The following APPBP2 variants were observed in gnomAD, a reference collection of about 807,000 sequenced individuals.
APPBP2 encodes the protein amyloid beta precursor protein binding protein 2, also known as amyloid protein-binding protein 2.
Under a neutral mutation model 76.0 loss-of-function variants are expected in APPBP2, and 15 were observed. The ratio of observed to expected loss-of-function variants is 0.20; its 90% CI spans 0.13 to 0.30. APPBP2 has a LOEUF of 0.30. Among genes scored for constraint, APPBP2 ranks in the 10% least tolerant of loss-of-function variants. APPBP2 has a pLI of 1.00. For missense variants in APPBP2, 401 were observed against 687.2 expected (o/e 0.58, Z 4.66); for synonymous variants, 222 against 242.2 (o/e 0.92, Z 0.77).
intron 1 of APPBP2, among the ~76,000 whole-genome samples, chr17:60,505,274 T>C (rs115154234): frequency 0.016 from 2,364 of 152,340 alleles, 63 homozygotes; most frequent in African/African-American, 0.053. Flanking sequence ...TTCTCTTGTT[T>C]AAAACCTTTA....
chr17:60,474,135 C>T (rs2090572383), intron 4 of APPBP2, among the ~76,000 whole-genome samples: 1 of 151,776 alleles, frequency 6.6e-6, no homozygotes, highest in South Asian at 2.1e-4. Flanking sequence ...AGGTCATGAC[C>T]TCCAGAATAA....
At chr17:60,456,030 G>A (rs113582266) in intron 10 of APPBP2, among the ~76,000 whole-genome samples, 125 of 152,156 alleles carry the variant, frequency 8.2e-4, no homozygotes, top group African/African-American at 2.6e-3. Flanking sequence ...TGCCTGCCTC[G>A]GCCTCCCAAA....
chr17:60,520,926 T>G (rs2091005479), intron 1 of APPBP2, among the ~76,000 whole-genome samples: 2 of 151,994 alleles, frequency 1.3e-5, no homozygotes, highest in African/African-American at 2.4e-5. Flanking sequence ...CTGTATAGAG[T>G]TCTAGAATTT....
At chr17:60,522,932 T>C (rs1188357397) in intron 1 of APPBP2, among the ~76,000 whole-genome samples, 1 of 152,076 alleles carries the variant, frequency 6.6e-6, no homozygotes, top group African/African-American at 2.4e-5. Context: ...TCCCTGCTTA[T>C]ACAGCAGTCA....
chr17:60,458,646 T>C (rs2090450528), intron 9 of APPBP2, among the ~76,000 whole-genome samples: 1 of 152,164 alleles, frequency 6.6e-6, no homozygotes, highest in East Asian at 1.9e-4. Flanking sequence ...CATGAATGAA[T>C]GAGCATGGCT....
intron 8 of APPBP2, chr17:60,460,998 T>TTAA (rs142540089): frequency 6.9e-4 from 194 of 282,532 alleles, no homozygotes; most frequent in African/African-American, 2.9e-3. Flanking sequence ...AGGCCACGGC[T>TTAA]TAATAATAAT....
Position 60,525,716 on chromosome 17 carries a change from G to A in APPBP2, c.138+78C>T, listed in dbSNP as rs1214599580. 2.5e-6 allele frequency: 4 copies of A among 1,595,446 alleles called. No individual in the cohort carries two copies. In the East Asian group the frequency reaches 8.9e-5, roughly 36 times the overall value. ...CCGGAAGGGGTGAGGGGTTAACTGC[G>A]GGGGTTCGCAGACGTGGAAGGGGGT... On this transcript the variant is annotated intron_variant, in intron 1 of 12. Transcript: ENST00000083182.
intron 1 of APPBP2, among the ~76,000 whole-genome samples, chr17:60,521,383 G>C (rs1003948540): frequency 6.6e-5 from 10 of 152,120 alleles, no homozygotes; most frequent in Admixed American, 6.5e-4. Context: ...TGATGTCTTA[G>C]GCCTTCACAT....
At chr17:60,452,865 T>C (rs530524315) in intron 11 of APPBP2, among the ~76,000 whole-genome samples, 28 of 152,210 alleles carry the variant, frequency 1.8e-4, no homozygotes, top group Admixed American at 1.4e-3. Flanking sequence ...CCCAGGGAGG[T>C]TGAGGCTGTA....
At position 60,526,037 on chromosome 17, in the gene APPBP2, G is replaced by C; in HGVS notation, c.-106C>G. 11 of 1,191,540 alleles carry C rather than the reference G, an allele frequency of 9.2e-6. No homozygotes were observed. The highest frequency in any genetic ancestry group is 1.3e-5 in the Non-Finnish European group (11 of 861,668). The allele number at this position is 1,191,540 out of a possible 1,614,324, so 73.8% of individuals were successfully genotyped here. A position where few individuals can be genotyped will look rare whatever the true frequency, so the allele number is the denominator to read the frequency against. On this transcript the variant is annotated 5_prime_UTR_variant, in exon 1 of 13. Transcript: ENST00000083182. ...CCCCGGAGGATTCGGAGGGGCGGTG[G>C]CAGCCACGCGGGCGCACGGCAGAAG...
chr17:60,478,941 G>T (rs1347649158), intron 4 of APPBP2, among the ~76,000 whole-genome samples: 2 of 152,044 alleles, frequency 1.3e-5, no homozygotes, highest in Non-Finnish European at 2.9e-5. Context: ...ACACATTCTG[G>T]TTCATAATAC....
In APPBP2 at chr17:60,510,729, A is replaced by G. The variant is rs569773845; in HGVS notation, c.139-10242T>C. Among the ~76,000 whole-genome samples, 6 of 152,302 alleles carry G rather than the reference A, an allele frequency of 3.9e-5. No individual in the cohort carries two copies. In the South Asian group the frequency reaches 1.2e-3, roughly 32 times the overall value. On this transcript the variant is annotated intron_variant, in intron 1 of 12. Transcript: ENST00000083182. ...AGATCCTGTTTCTGGGGAAAAAAAA[A>G]TCATCTGAAATGTACTCTGAAAAAC...
chr17:60,496,677 C>T (rs902084953), intron 2 of APPBP2, among the ~76,000 whole-genome samples: 1 of 152,128 alleles, frequency 6.6e-6, no homozygotes, highest in African/African-American at 2.4e-5. Context: ...ACACAGGCCA[C>T]ATTTCAAAGT....
intron 3 of APPBP2, among the ~76,000 whole-genome samples, chr17:60,491,164 T>C: frequency 6.6e-6 from 1 of 152,168 alleles, no homozygotes; most frequent in East Asian, 1.9e-4. Flanking sequence ...AAAATGCTGA[T>C]AATGATATGG....
intron 12 of APPBP2, among the ~76,000 whole-genome samples, chr17:60,449,409 C>A (rs1015546523): frequency 6.6e-6 from 1 of 152,122 alleles, no homozygotes; most frequent in African/African-American, 2.4e-5. Flanking sequence ...CTGGCCAACA[C>A]GGCAAAACCT....
chr17:60,524,494 C>G (rs1443882821), intron 1 of APPBP2, among the ~76,000 whole-genome samples: 1 of 151,304 alleles, frequency 6.6e-6, no homozygotes, highest in Non-Finnish European at 1.5e-5. Flanking sequence ...AATAATAATA[C>G]GCATGACCTA....
chr17:60,503,652 C>T (rs753575246), intron 1 of APPBP2, among the ~76,000 whole-genome samples: 3 of 146,670 alleles, frequency 2.0e-5, no homozygotes, highest in Non-Finnish European at 4.4e-5. Context: ...TCCCAATGTG[C>T]TGGGATTATA....
chr17:60,453,120 G>A (rs2090407291), intron 11 of APPBP2, among the ~76,000 whole-genome samples: 1 of 152,076 alleles, frequency 6.6e-6, no homozygotes, highest in South Asian at 2.1e-4. Context: ...ACTAAGAACT[G>A]TTTGAAATAT....
intron 1 of APPBP2, among the ~76,000 whole-genome samples, chr17:60,508,616 C>A (rs554302205): frequency 2.8e-4 from 43 of 152,236 alleles, no homozygotes; most frequent in African/African-American, 1.0e-3. Context: ...AGATTAACTA[C>A]CTGCCTAAAG....
Sources: gnomAD v4.1 joint callset for allele counts (sites outside exome capture counted in the v4.1 genomes callset) on GRCh38, gnomAD v4.1.1 for gene constraint, MANE v1.5 for transcripts, NCBI Gene and HGNC (gene_info 2026-07-23, HGNC 2026-07-21) for gene names.